Variants in ACBD3 observed in about 807,000 individuals in gnomAD.
ACBD3 encodes the protein acyl-CoA binding domain containing 3, also known as Golgi resident protein GCP60.
A neutral mutation model predicts 66.9 loss-of-function variants in ACBD3; 30 were observed. The ratio of observed to expected loss-of-function variants is 0.45; its 90% CI spans 0.34 to 0.61. The LOEUF (loss-of-function observed/expected upper bound fraction) is 0.61. ACBD3 is among the 20% of genes least tolerant of loss of function. The pLI, the probability that ACBD3 is intolerant of heterozygous loss-of-function variation, is 0.02. For missense variants in ACBD3, 544 were observed against 664.5 expected (o/e 0.82, Z 1.99); for synonymous variants, 278 against 259.8 (o/e 1.07, Z -0.68).
intron 1 of ACBD3, among the ~76,000 whole-genome samples, chr1:226,176,179 G>A (rs1291173891): frequency 6.6e-6 from 1 of 152,174 alleles, no homozygotes; most frequent in East Asian, 1.9e-4. Flanking sequence ...TGTAATCCCA[G>A]CACTTTGGGA....
intron 1 of ACBD3, among the ~76,000 whole-genome samples, chr1:226,177,769 G>C (rs1360769285): frequency 1.3e-5 from 2 of 150,430 alleles, no homozygotes; most frequent in Non-Finnish European, 3.0e-5. Context: ...TTTTAGACAG[G>C]GTCTTGCTCT....
chr1:226,163,168 G>A (rs866241280), intron 3 of ACBD3, among the ~76,000 whole-genome samples: 1 of 152,122 alleles, frequency 6.6e-6, no homozygotes, highest in Non-Finnish European at 1.5e-5. Context: ...AGGTTCACAA[G>A]CCAGAGCTTA....
intron 7 of ACBD3, 24 bp downstream of exon 7, chr1:226,152,311 C>T: frequency 6.2e-7 from 1 of 1,610,228 alleles, no homozygotes; most frequent in Non-Finnish European, 8.5e-7. Flanking sequence ...CCAGCAGCTA[C>T]TGAATATGGA....
chr1:226,155,348 C>T (rs9661265), intron 5 of ACBD3, among the ~76,000 whole-genome samples: 22,108 of 149,082 alleles, frequency 0.15, 1,803 homozygotes, highest in East Asian at 0.23. Flanking sequence ...ACTCGGGAGG[C>T]GGAGGTTGCA....
At chr1:226,158,886 C>T (rs1471730571) in intron 5 of ACBD3, among the ~76,000 whole-genome samples, 3 of 152,208 alleles carry the variant, frequency 2.0e-5, no homozygotes, top group African/African-American at 4.8e-5. Context: ...TACTCAGGTC[C>T]TCATGTTCCA....
intron 3 of ACBD3, among the ~76,000 whole-genome samples, chr1:226,163,643 T>G (rs929390781): frequency 6.6e-6 from 1 of 152,194 alleles, no homozygotes; most frequent in African/African-American, 2.4e-5. Context: ...AAATTGTACA[T>G]CATACTATTG....
intron 1 of ACBD3, among the ~76,000 whole-genome samples, chr1:226,171,893 T>C (rs959727269): frequency 1.3e-5 from 2 of 151,770 alleles, no homozygotes; most frequent in Non-Finnish European, 2.9e-5. Context: ...CGGTGGCTCA[T>C]GCCTGTAATC....
intron 6 of ACBD3, among the ~76,000 whole-genome samples, chr1:226,154,106 G>C (rs1179067016): frequency 6.6e-6 from 1 of 152,214 alleles, no homozygotes; most frequent in Non-Finnish European, 1.5e-5. Flanking sequence ...GGGAGCCTAA[G>C]TCAGAGCCAT....
chr1:226,147,422 C>T (rs1342869374), intron 7 of ACBD3, among the ~76,000 whole-genome samples: 1 of 152,162 alleles, frequency 6.6e-6, no homozygotes, highest in Non-Finnish European at 1.5e-5. Flanking sequence ...TACTACCATT[C>T]CTATTTCAAG....
At chr1:226,183,313 C>G (rs1480339377) in intron 1 of ACBD3, among the ~76,000 whole-genome samples, 1 of 152,054 alleles carries the variant, frequency 6.6e-6, no homozygotes, top group Non-Finnish European at 1.5e-5. Context: ...GTAGCTGGGA[C>G]TATAGGCGCC....
intron 1 of ACBD3, 43 bp downstream of exon 1, chr1:226,186,347 G>C: frequency 6.8e-7 from 1 of 1,470,798 alleles, no homozygotes; most frequent in South Asian, 1.3e-5. Flanking sequence ...CCGGGCTCCC[G>C]GGGCCGGGCA....
At chr1:226,160,940 GC>G (rs1192748917) in intron 4 of ACBD3, among the ~76,000 whole-genome samples, 1 of 152,228 alleles carries the variant, frequency 6.6e-6, no homozygotes, top group Non-Finnish European at 1.5e-5. Flanking sequence ...TCTGTCAGAT[GC>G]ATGGAAACAT....
intron 7 of ACBD3, among the ~76,000 whole-genome samples, chr1:226,150,551 A>AT (rs1659550977): frequency 6.7e-6 from 1 of 149,392 alleles, no homozygotes; most frequent in Non-Finnish European, 1.5e-5. Context: ...GCTAATTTTT[A>AT]TATTTTTAGT....
At chr1:226,150,055 ATTT>A (rs78400240) in intron 7 of ACBD3, among the ~76,000 whole-genome samples, 1 of 133,544 alleles carries the variant, frequency 7.5e-6, no homozygotes. Flanking sequence ...ATTTTTTTTA[ATTT>A]TTTTTTTTTT....
At chr1:226,157,198 T>C (rs1467172775) in intron 5 of ACBD3, among the ~76,000 whole-genome samples, 1 of 151,982 alleles carries the variant, frequency 6.6e-6, no homozygotes, top group Non-Finnish European at 1.5e-5. Flanking sequence ...AAGCAACCAA[T>C]AAATTTGATA....
chr1:226,173,757 C>CTTTTTTT (rs145462202), intron 1 of ACBD3, among the ~76,000 whole-genome samples: 336 of 88,306 alleles, frequency 3.8e-3, no homozygotes, highest in African/African-American at 9.3e-3. Flanking sequence ...TTTTTCTTTT[C>CTTTTTTT]TTTTTTTTTT....
rs1323790272 is a variant in ACBD3, at chr1:226,144,920, C to A, written c.*1690G>T. 6.6e-6 allele frequency: 1 copy of A among 152,356 alleles called. No individual in the cohort carries two copies. Among genetic ancestry groups the A allele is most frequent in the Admixed American group, 6.6e-5 (1 of 15,258 alleles). 9.4% of individuals were successfully genotyped at this position (152,356 alleles called of 1,614,324 possible). Reference sequence around the variant, plus strand: ...GCAAGGACAAATTTGTAATCAAAGGCTGGAAGAAATATATATTAGTGCCTG... The same window carrying A: ...GCAAGGACAAATTTGTAATCAAAGGATGGAAGAAATATATATTAGTGCCTG... On this transcript the variant is annotated 3_prime_UTR_variant, in exon 8 of 8. Coordinates refer to ENST00000366812, the MANE Select transcript of ACBD3 (RefSeq NM_022735.4).
chr1:226,175,122 G>GA (rs1656001757), intron 1 of ACBD3, among the ~76,000 whole-genome samples: 3 of 140,694 alleles, frequency 2.1e-5, no homozygotes, highest in African/African-American at 7.8e-5. Context: ...GAAAGAAAAA[G>GA]AAAAAAGAAA....
chr1:226,173,225 G>A (rs1476242951), intron 1 of ACBD3, among the ~76,000 whole-genome samples: 2 of 150,558 alleles, frequency 1.3e-5, no homozygotes, highest in Non-Finnish European at 3.0e-5. Flanking sequence ...GAGCCATGAT[G>A]GTGCCACTGC....
Sources: gnomAD v4.1 joint callset for allele counts (sites outside exome capture counted in the v4.1 genomes callset) on GRCh38, gnomAD v4.1.1 for gene constraint, MANE v1.5 for transcripts, NCBI Gene and HGNC (gene_info 2026-07-23, HGNC 2026-07-21) for gene names.